Variants in CCDC198 observed in about 807,000 individuals in gnomAD.
CCDC198 encodes the protein coiled-coil domain containing 198, also known as factor associated with metabolism and energy.
CCDC198 carries 18 observed loss-of-function variants against 35.6 expected under a neutral mutation model. That is an observed-to-expected ratio of 0.51 (90% CI 0.35 to 0.75). The LOEUF (loss-of-function observed/expected upper bound fraction) is 0.75. CCDC198 is among the 30% of genes least tolerant of loss of function. CCDC198 has a pLI of 0.01. For missense variants in CCDC198, 365 were observed against 343.7 expected, an observed-to-expected ratio of 1.06 and a Z score of -0.49; for synonymous variants, 119 against 113.4, an observed-to-expected ratio of 1.05 and a Z score of -0.31.
At chr14:57,493,449 C>T (rs754513191) in intron 1 of CCDC198, 44 bp downstream of exon 1, 41 of 1,498,428 alleles carry the variant, frequency 2.7e-5, no homozygotes, top group Non-Finnish European at 3.6e-5. Flanking sequence ...TAATAATGCT[C>T]CTTGGTCCAG....
At chr14:57,484,119 G>A (rs1016406097) in intron 2 of CCDC198, among the ~76,000 whole-genome samples, 3 of 152,184 alleles carry the variant, frequency 2.0e-5, no homozygotes, top group Non-Finnish European at 4.4e-5. Context: ...GGTGTGTTAG[G>A]GGTTGAATTG....
chr14:57,488,577 C>G (rs1000299211), intron 2 of CCDC198, among the ~76,000 whole-genome samples: 3 of 151,946 alleles, frequency 2.0e-5, no homozygotes, highest in African/African-American at 7.2e-5. Context: ...TTGAATAAGA[C>G]ATAGTCTTTG....
In CCDC198 at chr14:57,471,118, G is replaced by A. The variant is rs554387759; in HGVS notation, c.*237C>T. The A allele has an allele frequency of 9.6e-6, 4 of 416,092 alleles. No individual in the cohort carries two copies. Among genetic ancestry groups the A allele is most frequent in the African/African-American group, 6.0e-5 (3 of 49,826 alleles). The allele number at this position is 416,092 out of a possible 1,614,324, so 25.8% of individuals were successfully genotyped here. On this transcript the variant is annotated 3_prime_UTR_variant, in exon 6 of 6. Transcript: ENST00000216445. ...ACCTAGCTGAACTCAGCAACCCACA[G>A]GAAAGTGAGACAATAAAATGGCTCT...
Position 57,470,087 on chromosome 14 carries a change from G to A in CCDC198, c.*1268C>T, listed in dbSNP as rs1034502283. On this transcript the variant is annotated 3_prime_UTR_variant, in exon 6 of 6. Transcript: ENST00000216445. The stretch of plus-strand genomic sequence containing the variant: ...TTAGAATTGAACATTTATAAGATTC[G>A]CTTTATGTTTTAAGGAGCTCTAAAA... 2.6e-5 allele frequency: 4 copies of A among 152,074 alleles called. No individual in the cohort carries two copies. The highest frequency in any genetic ancestry group is 7.2e-5 in the African/African-American group (3 of 41,428). The allele number at this position is 152,074 out of a possible 1,614,324, so 9.4% of individuals were successfully genotyped here.
chr14:57,475,930 T>G (rs1472002073), intron 5 of CCDC198, among the ~76,000 whole-genome samples: 1 of 150,342 alleles, frequency 6.7e-6, no homozygotes, highest in African/African-American at 2.4e-5. Context: ...GCCTCCCCAG[T>G]AGTTGGGATT....
At chr14:57,478,041 A>G (rs1057061288) in intron 5 of CCDC198, among the ~76,000 whole-genome samples, 1 of 152,084 alleles carries the variant, frequency 6.6e-6, no homozygotes, top group African/African-American at 2.4e-5. Flanking sequence ...TTTGTGCACT[A>G]CTGATGCAGC....
intron 2 of CCDC198, among the ~76,000 whole-genome samples, chr14:57,488,377 T>C (rs1266914910): frequency 1.3e-5 from 2 of 152,172 alleles, no homozygotes; most frequent in African/African-American, 4.8e-5. Context: ...TCTAATACAG[T>C]CATGTTACAG....
In CCDC198 at chr14:57,481,599, T is replaced by C; in HGVS notation, c.455A>G (p.His152Arg). 6.2e-7 allele frequency: 1 copy of C among 1,612,862 alleles called. No homozygotes were observed. The highest frequency in any genetic ancestry group is 8.5e-7 in the Non-Finnish European group (1 of 1,179,596). Residue 152 changes from histidine to arginine, a missense_variant, in exon 4 of 6, where the codon CAT (histidine) becomes CGT (arginine). By Grantham distance (29) the His-to-Arg change is conservative. Transcript: ENST00000216445. Reference protein sequence around the residue: ...MYTSENRQYLHKMQVLEMIRK... With the variant: ...MYTSENRQYLRKMQVLEMIRK... The stretch of plus-strand genomic sequence containing the variant: ...GATCATTTCCAGCACTTGCATCTTA[T>C]GCAAATATTGTCTGTTCTCAGAAGT...
rs778041098 is a variant in CCDC198, at chr14:57,480,656, T to TG, written c.593dup (p.Arg199LysfsTer3). ...TTAGAAGGTCATGGTCATCATTCCT[T>TG]GGGGTGCTTTGAAGGGTTTTCTTGG... On this transcript the variant is annotated frameshift_variant, in exon 5 of 6. Coordinates refer to ENST00000216445, the MANE Select transcript of CCDC198 (RefSeq NM_018168.4). LOFTEE classifies it high-confidence loss of function. The TG allele has an allele frequency of 6.2e-7, 1 of 1,614,192 alleles. No homozygotes were observed. The highest frequency in any genetic ancestry group is 8.5e-7 in the Non-Finnish European group (1 of 1,180,014).
chr14:57,480,563 A>G, intron 5 of CCDC198, 32 bp downstream of exon 5: 1 of 1,606,748 alleles, frequency 6.2e-7, no homozygotes, highest in South Asian at 1.1e-5. Context: ...AAACACTTGA[A>G]ATGTTTTACT....
Position 57,471,410 on chromosome 14 carries a change from AC to A in CCDC198, c.835del (p.Val279Ter). On this transcript the variant is annotated frameshift_variant, in exon 6 of 6. Transcript: ENST00000216445. LOFTEE classifies it high-confidence loss of function. ...TGGGATTCTCTCTGTCCTGGTCCTC[AC>A]CAGTGCTCGTGGCTTCTTCTCATCT... Reference protein sequence around the residue: ...GKDEKKPRALVRTRTERIPLF... With the variant: ...GKDEKKPRALXRTRTERIPLF... The A allele has an allele frequency of 6.2e-7, 1 of 1,613,980 alleles. No individual in the cohort carries two copies.
chr14:57,491,056 T>C lies in CCDC198; in HGVS notation c.239A>G (p.Tyr80Cys). The C allele has an allele frequency of 3.1e-6, 5 of 1,611,412 alleles. No individual in the cohort carries two copies. The highest frequency in any genetic ancestry group is 4.2e-6 in the Non-Finnish European group (5 of 1,178,158). Residue 80 changes from tyrosine to cysteine, a missense_variant, in exon 2 of 6, where the codon TAT becomes TGT. Tyr to Cys is a radical substitution (Grantham distance 194, BLOSUM62 -2). Coordinates refer to ENST00000216445, the MANE Select transcript of CCDC198 (RefSeq NM_018168.4). ...TCTGTGTTCCAGTGGGATGTCAAAA[T>C]ACATGTCTCTGGATGCTTGAAGGAT... ...GRYSTASRDM[Y>C]FDIPLEHRET... is the part of the protein sequence containing the mutation.
chr14:57,474,496 T>C (rs546732330), intron 5 of CCDC198, among the ~76,000 whole-genome samples: 29 of 152,334 alleles, frequency 1.9e-4, no homozygotes, highest in Admixed American at 1.0e-3. Flanking sequence ...CACAACACCA[T>C]TGATGTTATG....
At chr14:57,492,079 CCTT>C (rs1230210123) in intron 1 of CCDC198, among the ~76,000 whole-genome samples, 1 of 151,900 alleles carries the variant, frequency 6.6e-6, no homozygotes, top group Admixed American at 6.6e-5. Flanking sequence ...GCTTACTAAT[CCTT>C]ATTTTTTTTA....
At chr14:57,490,671 A>T (rs1233975855) in intron 2 of CCDC198, among the ~76,000 whole-genome samples, 1 of 152,166 alleles carries the variant, frequency 6.6e-6, no homozygotes, top group Non-Finnish European at 1.5e-5. Flanking sequence ...ATTAAATAGT[A>T]GTAGCTGTTA....
rs188531586 is a variant in CCDC198, at chr14:57,475,483, C to T, written c.656-3893G>A. ...AGGCGCGGTGGCTCATGCCTGTAAT[C>T]GGATCATGAGGTCAGGAGTTCGAGA... On this transcript the variant is annotated intron_variant, in intron 5 of 5. Coordinates refer to ENST00000216445, the MANE Select transcript of CCDC198 (RefSeq NM_018168.4). The T allele has an allele frequency of 1.7e-4, 200 of 1,210,832 alleles. No individual in the cohort carries two copies. The African/African-American group carries it at 2.2e-3, about 13-fold the overall frequency. The allele number at this position is 1,210,832 out of a possible 1,614,324, so 75.0% of individuals were successfully genotyped here. A position where few individuals can be genotyped will look rare whatever the true frequency, so the allele number is the denominator to read the frequency against.
At position 57,480,678 on chromosome 14, in the gene CCDC198, T is replaced by C. The variant is rs752549069; in HGVS notation, c.572A>G (p.Lys191Arg). 5 of 1,614,206 alleles carry C rather than the reference T, an allele frequency of 3.1e-6. No homozygotes were observed. In the South Asian group the frequency reaches 4.4e-5, roughly 14 times the overall value. Residue 191 changes from lysine to arginine, a missense_variant, in exon 5 of 6, where the codon AAG becomes AGG. By Grantham distance (26) the Lys-to-Arg change is conservative. Coordinates refer to ENST00000216445, the MANE Select transcript of CCDC198 (RefSeq NM_018168.4). ...NKQSPRDHKA[K>R]KTLQSTPRND... ...CCTTGGGGTGCTTTGAAGGGTTTTC[T>C]TGGCTTTATGGTCCCTTGGACTTTG... is the stretch of plus-strand genomic sequence containing the variant.
intron 5 of CCDC198, chr14:57,475,490 T>G (rs1040765020): frequency 1.7e-5 from 20 of 1,182,690 alleles, no homozygotes; most frequent in Non-Finnish European, 2.2e-5. Context: ...AATCGGATCA[T>G]GAGGTCAGGA....
chr14:57,475,501 G>T, intron 5 of CCDC198: 1 of 1,093,492 alleles, frequency 9.1e-7, no homozygotes, highest in Non-Finnish European at 1.2e-6. Flanking sequence ...GAGGTCAGGA[G>T]TTCGAGACCA....
Sources: allele counts gnomAD v4.1 joint callset (sites outside exome capture counted in the v4.1 genomes callset), GRCh38; gene constraint gnomAD v4.1.1; transcripts MANE v1.5; gene names NCBI Gene and HGNC (gene_info 2026-07-23, HGNC 2026-07-21).